Variants in TPD52L2 observed in about 807,000 individuals in gnomAD.
TPD52L2 encodes TPD52 like 2, also known as tumor protein D54.
TPD52L2 carries 19 observed loss-of-function variants against 24.7 expected under a neutral mutation model. That is an observed-to-expected ratio of 0.77 (90% CI 0.54 to 1.13). The LOEUF is 1.13. Among genes scored for constraint, TPD52L2 ranks in the 50% most tolerant of loss-of-function variants. The pLI, the probability that TPD52L2 is intolerant of heterozygous loss-of-function variation, is 0.00. For synonymous variants in TPD52L2, 104 were observed against 100.2 expected (o/e 1.04, Z -0.23); for missense variants, 236 against 250.4 (o/e 0.94, Z 0.39).
intron 5 of TPD52L2, chr20:63,886,874 A>G (rs1421781047): frequency 3.9e-5 from 6 of 153,282 alleles, no homozygotes; most frequent in Non-Finnish European, 5.8e-5. Flanking sequence ...CGATCTCCTG[A>G]CCTCGTGATC....
chr20:63,865,391 G>C lies in TPD52L2; in HGVS notation c.19+7G>C. On this transcript the variant is annotated splice_region_variant and intron_variant, in intron 1 of 6. Coordinates refer to ENST00000346249, the MANE Select transcript of TPD52L2 (RefSeq NM_003288.4). ...ATGGACTCCGCCGGCCAAGGTACCT[G>C]CCGGGCCCGGCCCCTTCGCCGCAGA... 6.5e-7 allele frequency: 1 copy of C among 1,529,380 alleles called. No homozygotes were observed. Among genetic ancestry groups the C allele is most frequent in the Non-Finnish European group, 8.7e-7 (1 of 1,143,464 alleles). 94.7% of individuals were successfully genotyped at this position (1,529,380 alleles called of 1,614,324 possible).
At position 63,890,827 on chromosome 20, in the gene TPD52L2, A is replaced by G. The variant is rs2146258786; in HGVS notation, c.*882A>G. 6.6e-6 allele frequency: 1 copy of G among 152,576 alleles called. No homozygotes were observed. The highest frequency in any genetic ancestry group is 1.5e-5 in the Non-Finnish European group (1 of 68,092). 9.5% of individuals were successfully genotyped at this position (152,576 alleles called of 1,614,324 possible). The stretch of plus-strand genomic sequence containing the variant: ...ACCGTGGCAGCTCCCGCTGGCTCCT[A>G]TGCCCTGCCCTAAAGGGCTCTTGAG... On this transcript the variant is annotated 3_prime_UTR_variant, in exon 7 of 7. Coordinates refer to ENST00000346249, the MANE Select transcript of TPD52L2 (RefSeq NM_003288.4).
rs1307627453 is a variant in TPD52L2, at chr20:63,877,648, C to T, written c.374+1773C>T. Among the ~76,000 whole-genome samples, 1 of 152,236 alleles carries T rather than the reference C, an allele frequency of 6.6e-6. No homozygotes were observed. The highest frequency in any genetic ancestry group is 1.5e-5 in the Non-Finnish European group (1 of 68,042). ...AGACTTCAGTGCTGTTTTGTAAAAC[C>T]AACTGACATAAAGCTGCCGGGATCC... On this transcript the variant is annotated intron_variant, in intron 4 of 6. Transcript: ENST00000346249. The surrounding 1 kb of genome is among the most constrained non-coding windows in gnomAD (Gnocchi z 4.1).
At chr20:63,883,443 G>T (rs1364513015) in intron 5 of TPD52L2, among the ~76,000 whole-genome samples, 1 of 152,186 alleles carries the variant, frequency 6.6e-6, no homozygotes, top group African/African-American at 2.4e-5. Flanking sequence ...AGGGGATTGA[G>T]CCAGAAGCCT....
At chr20:63,883,804 C>T (rs1247948014) in intron 5 of TPD52L2, among the ~76,000 whole-genome samples, 1 of 135,724 alleles carries the variant, frequency 7.4e-6, no homozygotes, top group Non-Finnish European at 1.6e-5. Flanking sequence ...GAGATACGTA[C>T]ATCTCCTGCT....
At chr20:63,879,419 C>T (rs1367699657) in intron 4 of TPD52L2, among the ~76,000 whole-genome samples, 1 of 152,022 alleles carries the variant, frequency 6.6e-6, no homozygotes, top group African/African-American at 2.4e-5. Flanking sequence ...CATTTACCCA[C>T]CCACAGGTCA....
chr20:63,873,904 C>A (rs1329599304), intron 3 of TPD52L2, 88 bp downstream of exon 3: 3 of 1,376,010 alleles, frequency 2.2e-6, no homozygotes, highest in African/African-American at 3.0e-5. Context: ...TCGTCATGCC[C>A]AGGGACGAGT....
At chr20:63,873,596 G>T in intron 2 of TPD52L2, 72 bp from the exon 3 acceptor site, 1 of 1,523,738 alleles carries the variant, frequency 6.6e-7, no homozygotes, top group East Asian at 2.4e-5. Flanking sequence ...GTAACTCATG[G>T]CACTGTGCAT....
chr20:63,865,492 C>A (rs1311505403), intron 1 of TPD52L2, 108 bp downstream of exon 1: 3 of 1,396,488 alleles, frequency 2.1e-6, no homozygotes, highest in Non-Finnish European at 2.8e-6. Flanking sequence ...TCTCGGTTCA[C>A]CCACCCCGCG....
intron 3 of TPD52L2, 126 bp from the exon 4 acceptor site, chr20:63,875,690 C>A: frequency 1.1e-6 from 1 of 924,142 alleles, no homozygotes; most frequent in South Asian, 1.6e-5. Flanking sequence ...CATTTTTGGG[C>A]CGTCTGTGGA....
Position 63,882,813 on chromosome 20 carries a change from G to A in TPD52L2, c.469G>A (p.Asp157Asn), listed in dbSNP as rs202157941. 10 of 1,611,252 alleles carry A rather than the reference G, an allele frequency of 6.2e-6. No homozygotes were observed. The highest frequency in any genetic ancestry group is 1.7e-5 in the Admixed American group (1 of 59,818). The change falls in exon 5 of 7, where the codon GAC (aspartate) becomes AAC (asparagine). Residue 157 changes from aspartate to asparagine, a missense_variant. Asp to Asn is a conservative substitution (Grantham distance 23). Transcript: ENST00000346249. ...CTCTGCCATCAGCAGGAAGCTTGGA[G>A]ACATGAGGTGAGACGCAACCCTGAC... Reference protein sequence around the residue: ...VGSAISRKLGDMRNSATFKSF... With the variant: ...VGSAISRKLGNMRNSATFKSF...
At chr20:63,886,715 G>A (rs1439580853) in intron 5 of TPD52L2, among the ~76,000 whole-genome samples, 1 of 151,246 alleles carries the variant, frequency 6.6e-6, no homozygotes, top group African/African-American at 2.4e-5. Context: ...TGTGATCTCG[G>A]CTCACTGCAA....
At chr20:63,870,952 G>C (rs2052441046) in intron 2 of TPD52L2, among the ~76,000 whole-genome samples, 1 of 150,956 alleles carries the variant, frequency 6.6e-6, no homozygotes, top group Admixed American at 6.6e-5. Context: ...TCCTGATCTT[G>C]TGATCCACCC....
In TPD52L2 at chr20:63,889,857, T is replaced by C. The variant is rs137992687; in HGVS notation, c.533T>C (p.Val178Ala). Residue 178 changes from valine (V) to alanine (A), a missense_variant, in exon 7 of 7, where the codon GTT (valine) becomes GCT (alanine). By Grantham distance (64) the Val-to-Ala change is moderately conservative. Coordinates refer to ENST00000346249, the MANE Select transcript of TPD52L2 (RefSeq NM_003288.4). ...ATCTTTTCTCTCCTGTAGTCTAAGG[T>C]TGTGGGTGACAGAGAGAACGGCAGT... ...EDRVGTIKSK[V>A]VGDRENGSDN... The C allele has an allele frequency of 6.4e-5, 104 of 1,614,030 alleles. No individual in the cohort carries two copies. The African/African-American group carries it at 1.2e-3, about 19-fold the overall frequency.
At chr20:63,870,862 C>T (rs551719194) in intron 2 of TPD52L2, among the ~76,000 whole-genome samples, 15 of 151,630 alleles carry the variant, frequency 9.9e-5, no homozygotes, top group South Asian at 2.1e-4. Flanking sequence ...GGATTACAGG[C>T]GCGTGCCTCC....
chr20:63,881,370 AAAAG>A (rs1352191883), intron 4 of TPD52L2, among the ~76,000 whole-genome samples: 30 of 151,520 alleles, frequency 2.0e-4, no homozygotes, highest in African/African-American at 3.9e-4. Flanking sequence ...AAAAAAAAAA[AAAAG>A]AAAGAAAGTG....
Position 63,873,820 on chromosome 20 carries a change from G to C in TPD52L2, c.314+4G>C. The C allele has an allele frequency of 6.5e-7, 1 of 1,530,772 alleles. No individual in the cohort carries two copies. Among genetic ancestry groups the C allele is most frequent in the African/African-American group, 1.4e-5 (1 of 71,398 alleles). The allele number at this position is 1,530,772 out of a possible 1,614,324, so 94.8% of individuals were successfully genotyped here. A position where few individuals can be genotyped will look rare whatever the true frequency, so the allele number is the denominator to read the frequency against. Reference sequence around the variant, plus strand: ...ATGACGTGCAGGTCTCTAGCGCGTAGGTACCTGCCCCAGGCGCACCCCTGG... The same window carrying C: ...ATGACGTGCAGGTCTCTAGCGCGTACGTACCTGCCCCAGGCGCACCCCTGG... On this transcript the variant is annotated splice_donor_region_variant and intron_variant, in intron 3 of 6. Transcript: ENST00000346249.
chr20:63,889,741 T>C, intron 6 of TPD52L2, 109 bp from the exon 7 acceptor site: 4 of 1,036,320 alleles, frequency 3.9e-6, no homozygotes, highest in Non-Finnish European at 4.2e-6. Context: ...TGCTGAGCAG[T>C]GTTCGTGTTA....
chr20:63,874,671 G>A (rs905776955), intron 3 of TPD52L2, among the ~76,000 whole-genome samples: 7 of 152,092 alleles, frequency 4.6e-5, no homozygotes, highest in African/African-American at 7.2e-5. Flanking sequence ...CACCACATCC[G>A]GCTTATATAC....
Sources: gnomAD v4.1 joint callset for allele counts (sites outside exome capture counted in the v4.1 genomes callset) on GRCh38, gnomAD v4.1.1 for gene constraint, Gnocchi (gnomAD v3.1) non-coding constraint, MANE v1.5 for transcripts, NCBI Gene and HGNC (gene_info 2026-07-23, HGNC 2026-07-21) for gene names.